PSMC5: variants seen among roughly 807,000 people sequenced by gnomAD.
The protein encoded by PSMC5 is proteasome 26S subunit, ATPase 5, also known as 26S proteasome regulatory subunit 8.
In PSMC5, 11 loss-of-function variants were observed where a neutral mutation model predicts 49.1. The observed-to-expected ratio is 0.22, with a 90% CI of 0.14 to 0.37. The LOEUF (loss-of-function observed/expected upper bound fraction) is 0.37. PSMC5 is among the 10% of genes least tolerant of loss of function. The pLI is 1.00. For missense variants in PSMC5, 229 were observed against 520.9 expected (o/e 0.44, Z 5.45); for synonymous variants, 206 against 192.2 (o/e 1.07, Z -0.59).
In PSMC5 at chr17:63,830,067, G is replaced by T; in HGVS notation, c.265-66G>T. 4.4e-6 allele frequency: 7 copies of T among 1,585,624 alleles called. No individual in the cohort carries two copies. Among genetic ancestry groups the T allele is most frequent in the Non-Finnish European group, 5.2e-6 (6 of 1,163,390 alleles). On this transcript the variant is annotated intron_variant, in intron 4 of 11. Coordinates refer to ENST00000310144, the MANE Select transcript of PSMC5 (RefSeq NM_002805.6). This position sits in a 1 kb window ranked among gnomAD's most constrained non-coding sequence, Gnocchi z 4.0. ...TCAAGGTATTGTGGGATTCTCATAG[G>T]TCTTCCTGGGTAGGATTAGTGATTT...
chr17:63,829,766 GTGATGC>G, intron 3 of PSMC5, 80 bp from the exon 4 acceptor site: 1 of 1,423,054 alleles, frequency 7.0e-7, no homozygotes, highest in Non-Finnish European at 9.9e-7. Context: ...TTTAATAAGA[GTGATGC>G]TTAGCTCATG....
chr17:63,829,617 C>G, intron 3 of PSMC5, 54 bp downstream of exon 3: 1 of 1,505,596 alleles, frequency 6.6e-7, no homozygotes, highest in Non-Finnish European at 9.0e-7. Flanking sequence ...GAGGTCTGTC[C>G]TTATCTCCCT....
Position 63,830,481 on chromosome 17 carries a change from C to T in PSMC5, c.532C>T (p.Leu178=). 1 of 1,614,008 alleles carries T rather than the reference C, an allele frequency of 6.2e-7. No individual in the cohort carries two copies. Among genetic ancestry groups the T allele is most frequent in the Non-Finnish European group, 8.5e-7 (1 of 1,180,028 alleles). The change falls in exon 6 of 12, where the codon CTG becomes TTG. Residue 178 remains leucine (L), a synonymous_variant. Transcript: ENST00000310144. The surrounding 1 kb of genome is among the most constrained non-coding windows in gnomAD (Gnocchi z 4.0). ...PVKHPELFEA[L]GIAQPKGVLL... ...TAAGCATCCTGAGCTCTTCGAAGCACTGGGCATTGCTCAGCCCAAGGTGAG... is the reference window on the plus strand; with the variant it reads ...TAAGCATCCTGAGCTCTTCGAAGCATTGGGCATTGCTCAGCCCAAGGTGAG...
In PSMC5 at chr17:63,827,476, T is replaced by G; in HGVS notation, c.-15T>G. 6.4e-7 allele frequency: 1 copy of G among 1,551,716 alleles called. No individual in the cohort carries two copies. On this transcript the variant is annotated 5_prime_UTR_variant, in exon 1 of 12. Transcript: ENST00000310144. ...AGACGGCTCGGATGCCGGCGGTCTC[T>G]GCTGAAGAGAGAAGATGGCGCTTGA...
Position 63,830,525 on chromosome 17 carries a change from A to C in PSMC5, c.552+24A>C. On this transcript the variant is annotated intron_variant, in intron 6 of 11. Coordinates refer to ENST00000310144, the MANE Select transcript of PSMC5 (RefSeq NM_002805.6). The surrounding 1 kb of genome is among the most constrained non-coding windows in gnomAD (Gnocchi z 4.0). The stretch of plus-strand genomic sequence containing the variant: ...AGGTGAGGAGCAGGGCTTCTCTGAG[A>C]GGGCCAAGCTGTACTTACTCCTCCT... 6.2e-7 allele frequency: 1 copy of C among 1,611,890 alleles called. No individual in the cohort carries two copies. The highest frequency in any genetic ancestry group is 8.5e-7 in the Non-Finnish European group (1 of 1,179,380).
rs773296559 is a variant in PSMC5, at chr17:63,831,928, G to A, written c.1180G>A (p.Asp394Asn). The A allele has an allele frequency of 1.2e-6, 2 of 1,614,088 alleles. No individual in the cohort carries two copies. Among genetic ancestry groups the A allele is most frequent in the South Asian group, 1.1e-5 (1 of 91,088 alleles). ...EMAVAKVMQK[D>N]SEKNMSIKKL... The stretch of plus-strand genomic sequence containing the variant: ...CTCCCACCCCTAGGTCATGCAGAAG[G>A]ACAGTGAGAAAAACATGTCCATCAA... Residue 394 changes from aspartate (D) to asparagine (N), a missense_variant, in exon 12 of 12, where the codon GAC (aspartate) becomes AAC (asparagine). Asp to Asn is a conservative substitution (Grantham distance 23). Transcript: ENST00000310144. The surrounding 1 kb of genome is among the most constrained non-coding windows in gnomAD (Gnocchi z 6.3).
rs771733803 is a variant in PSMC5, at chr17:63,831,944, T to C, written c.1196T>C (p.Met399Thr). The C allele has an allele frequency of 2.5e-6, 4 of 1,614,104 alleles. No homozygotes were observed. The highest frequency in any genetic ancestry group is 1.1e-5 in the South Asian group (1 of 91,090). The change falls in exon 12 of 12, where the codon ATG becomes ACG. Residue 399 changes from methionine (M) to threonine (T), a missense_variant. Transcript: ENST00000310144. This position sits in a 1 kb window ranked among gnomAD's most constrained non-coding sequence, Gnocchi z 6.3. Reference sequence around the variant, plus strand: ...ATGCAGAAGGACAGTGAGAAAAACATGTCCATCAAGAAATTATGGAAGTGA... The same window carrying C: ...ATGCAGAAGGACAGTGAGAAAAACACGTCCATCAAGAAATTATGGAAGTGA... ...KVMQKDSEKN[M>T]SIKKLWK
At position 63,829,523 on chromosome 17, in the gene PSMC5, C is replaced by G; in HGVS notation, c.126C>G (p.Leu42=). The G allele has an allele frequency of 6.4e-7, 1 of 1,555,830 alleles. No homozygotes were observed. Among genetic ancestry groups the G allele is most frequent in the Non-Finnish European group, 8.7e-7 (1 of 1,149,162 alleles). ...TTGTGAATGATAAGAGCCAAAACCT[C>G]CGGAGGCTGCAGGCACAGAGGAACG... ...QLIVNDKSQN[L]RRLQAQRNEL... Residue 42 remains leucine, a synonymous_variant, in exon 3 of 12, where the codon CTC becomes CTG. Transcript: ENST00000310144.
At position 63,831,850 on chromosome 17, in the gene PSMC5, CTG is replaced by C. The variant is rs1208985168; in HGVS notation, c.1167+41_1167+42del. 6.8e-6 allele frequency: 11 copies of C among 1,613,068 alleles called. No homozygotes were observed. The highest frequency in any genetic ancestry group is 9.3e-6 in the Non-Finnish European group (11 of 1,179,158). On this transcript the variant is annotated intron_variant, in intron 11 of 11. Coordinates refer to ENST00000310144, the MANE Select transcript of PSMC5 (RefSeq NM_002805.6). This position sits in a 1 kb window ranked among gnomAD's most constrained non-coding sequence, Gnocchi z 6.3. The stretch of plus-strand genomic sequence containing the variant: ...CTTTGTGCCTTTGCCAGTGGTGGCT[CTG>C]GGGCAGTGGGCTAGGGCATGTGTGT...
chr17:63,827,523 G>A lies in PSMC5; in HGVS notation c.24+9G>A, dbSNP rs1188474924. On this transcript the variant is annotated intron_variant, in intron 1 of 11. Transcript: ENST00000310144. ...TTGACGGACCAGAGCAGGTATGGCGGGTGCAGTGGCGGCCCGGCAGGTTAC... is the reference window on the plus strand; with the variant it reads ...TTGACGGACCAGAGCAGGTATGGCGAGTGCAGTGGCGGCCCGGCAGGTTAC... 24 of 1,551,556 alleles carry A rather than the reference G, an allele frequency of 1.5e-5. No homozygotes were observed. The East Asian group carries it at 5.9e-4, about 38-fold the overall frequency.
At position 63,831,238 on chromosome 17, in the gene PSMC5, G is replaced by T; in HGVS notation, c.870+12G>T. On this transcript the variant is annotated intron_variant, in intron 8 of 11. Coordinates refer to ENST00000310144, the MANE Select transcript of PSMC5 (RefSeq NM_002805.6). This position sits in a 1 kb window ranked among gnomAD's most constrained non-coding sequence, Gnocchi z 6.3. Reference sequence around the variant, plus strand: ...CCAAGAACATCAAGGTAAGGTGGTAGCATCCTTGGGATGGGCCCAGGGAAG... The same window carrying T: ...CCAAGAACATCAAGGTAAGGTGGTATCATCCTTGGGATGGGCCCAGGGAAG... The T allele has an allele frequency of 6.3e-7, 1 of 1,594,756 alleles. No individual in the cohort carries two copies. Among genetic ancestry groups the T allele is most frequent in the South Asian group, 1.1e-5 (1 of 89,062 alleles).
At chr17:63,828,000 G>A (rs778178125) in intron 1 of PSMC5, 138 bp from the exon 2 acceptor site, 4 of 1,296,914 alleles carry the variant, frequency 3.1e-6, no homozygotes, top group African/African-American at 2.9e-5. Flanking sequence ...TTAGAACCCA[G>A]ATCCTGAGCC....
In PSMC5 at chr17:63,830,611, G is replaced by T. The variant is rs73333759; in HGVS notation, c.552+110G>T. ...ACCGGGATAGGCTGCATCTTGCTTGGGCTGGCCCTCCCCCTGAAAAGAGTG... is the reference window on the plus strand; with the variant it reads ...ACCGGGATAGGCTGCATCTTGCTTGTGCTGGCCCTCCCCCTGAAAAGAGTG... On this transcript the variant is annotated intron_variant, in intron 6 of 11. Transcript: ENST00000310144. This position sits in a 1 kb window ranked among gnomAD's most constrained non-coding sequence, Gnocchi z 4.0. 4,823 of 1,508,064 alleles carry T rather than the reference G, an allele frequency of 3.2e-3. 131 individuals are homozygous for T. The African/African-American group carries it at 0.06, about 19-fold the overall frequency. 93.4% of individuals were successfully genotyped at this position (1,508,064 alleles called of 1,614,324 possible).
intron 2 of PSMC5, chr17:63,829,249 T>G (rs145114504): frequency 4.7e-5 from 20 of 427,230 alleles, no homozygotes; most frequent in African/African-American, 3.8e-4. Context: ...CTTTTCTCCA[T>G]TAGATTCTGT....
Position 63,830,468 on chromosome 17 carries a change from G to T in PSMC5, c.519G>T (p.Glu173Asp). 1 of 1,614,118 alleles carries T rather than the reference G, an allele frequency of 6.2e-7. No individual in the cohort carries two copies. The highest frequency in any genetic ancestry group is 8.5e-7 in the Non-Finnish European group (1 of 1,180,044). The change falls in exon 6 of 12, where the codon GAG becomes GAT. Residue 173 changes from glutamate (E) to aspartate (D), a missense_variant. This residue lies in a region of PSMC5 where 121 missense variants were observed against 330.6 expected (regional missense o/e 0.37). Coordinates refer to ENST00000310144, the MANE Select transcript of PSMC5 (RefSeq NM_002805.6). The surrounding 1 kb of genome is among the most constrained non-coding windows in gnomAD (Gnocchi z 4.0). ...TCGAGCTGCCTGTTAAGCATCCTGA[G>T]CTCTTCGAAGCACTGGGCATTGCTC... is the stretch of plus-strand genomic sequence containing the variant. ...EVIELPVKHP[E>D]LFEALGIAQP...
chr17:63,830,587 C>G lies in PSMC5; in HGVS notation c.552+86C>G. On this transcript the variant is annotated intron_variant, in intron 6 of 11. Coordinates refer to ENST00000310144, the MANE Select transcript of PSMC5 (RefSeq NM_002805.6). The surrounding 1 kb of genome is among the most constrained non-coding windows in gnomAD (Gnocchi z 4.0). ...CCCTACTGCAGGGGTTGGGGAGGCA[C>G]CGGGATAGGCTGCATCTTGCTTGGG... 7.8e-6 allele frequency: 12 copies of G among 1,541,558 alleles called. No homozygotes were observed. Among genetic ancestry groups the G allele is most frequent in the Non-Finnish European group, 1.0e-5 (12 of 1,146,008 alleles).
intron 1 of PSMC5, 115 bp from the exon 2 acceptor site, chr17:63,828,023 A>G: frequency 7.2e-7 from 1 of 1,385,118 alleles, no homozygotes; most frequent in Non-Finnish European, 1.0e-6. Flanking sequence ...CGAAGTCCAA[A>G]CTTTTTCTAC....
intron 1 of PSMC5, chr17:63,827,867 C>T: frequency 7.0e-7 from 1 of 1,430,516 alleles, no homozygotes; most frequent in Non-Finnish European, 9.1e-7. Context: ...TCACGCAGTG[C>T]AAAGCGCCCC....
chr17:63,827,768 C>T lies in PSMC5; in HGVS notation c.24+254C>T, dbSNP rs2040127948. The T allele has an allele frequency of 4.2e-6, 6 of 1,431,790 alleles. No individual in the cohort carries two copies. In the South Asian group the frequency reaches 9.0e-5, roughly 21 times the overall value. The allele number at this position is 1,431,790 out of a possible 1,614,324, so 88.7% of individuals were successfully genotyped here. ...GCGATGGGCGCGGGAATGGCCGGCCCACGGGTCGCAGGAGACGGGACGCCA... is the reference window on the plus strand; with the variant it reads ...GCGATGGGCGCGGGAATGGCCGGCCTACGGGTCGCAGGAGACGGGACGCCA... On this transcript the variant is annotated intron_variant, in intron 1 of 11. Coordinates refer to ENST00000310144, the MANE Select transcript of PSMC5 (RefSeq NM_002805.6).
Sources: allele counts gnomAD v4.1 joint callset, GRCh38; gene constraint gnomAD v4.1.1; regional missense constraint gnomAD v4.1.1; non-coding constraint Gnocchi (gnomAD v3.1); transcripts MANE v1.5; gene names NCBI Gene and HGNC (gene_info 2026-07-23, HGNC 2026-07-21).